DCDC1: variants seen among roughly 807,000 people sequenced by gnomAD.
DCDC1 encodes the protein doublecortin domain containing 1.
A neutral mutation model predicts 178.3 loss-of-function variants in DCDC1; 200 were observed. The ratio of observed to expected loss-of-function variants is 1.12; its 90% CI spans 1.00 to 1.26. The LOEUF (loss-of-function observed/expected upper bound fraction) is 1.26, where lower values mean the gene tolerates loss of function less well. DCDC1 is among the 50% of genes most tolerant of loss of function. DCDC1 has a pLI of 0.00. For missense variants in DCDC1, 1,983 were observed against 1,749.2 expected, an observed-to-expected ratio of 1.13 and a Z score of -2.38; for synonymous variants, 690 against 604.8, an observed-to-expected ratio of 1.14 and a Z score of -2.07.
intron 9 of DCDC1, among the ~76,000 whole-genome samples, chr11:31,140,906 G>C (rs920082330): frequency 3.3e-5 from 5 of 152,076 alleles, no homozygotes; most frequent in African/African-American, 7.2e-5. Context: ...AAGCCCTAAG[G>C]GTTCATAGTT....
At chr11:31,130,519 T>C (rs992027576) in intron 10 of DCDC1, among the ~76,000 whole-genome samples, 5 of 152,120 alleles carry the variant, frequency 3.3e-5, no homozygotes, top group African/African-American at 7.2e-5. Flanking sequence ...GAGAAAGACA[T>C]ACTGGTGAGA....
At chr11:30,991,712 G>C (rs1412861763) in intron 20 of DCDC1, among the ~76,000 whole-genome samples, 3 of 152,056 alleles carry the variant, frequency 2.0e-5, no homozygotes, top group Non-Finnish European at 4.4e-5. Context: ...GAATTATTCA[G>C]TAGGCATAAC....
At chr11:31,004,536 A>G (rs1224180769) in intron 20 of DCDC1, among the ~76,000 whole-genome samples, 1 of 142,762 alleles carries the variant, frequency 7.0e-6, no homozygotes, top group Non-Finnish European at 1.5e-5. Context: ...AAAAAAAATT[A>G]GCTGGGCGTG....
intron 3 of DCDC1, among the ~76,000 whole-genome samples, chr11:31,313,554 T>G (rs533092158): frequency 6.6e-6 from 1 of 152,040 alleles, no homozygotes; most frequent in East Asian, 1.9e-4. Context: ...ACATTTTACA[T>G]TATAATTTAT....
intron 8 of DCDC1, among the ~76,000 whole-genome samples, chr11:31,245,605 T>G (rs1943502721): frequency 6.6e-6 from 1 of 151,754 alleles, no homozygotes; most frequent in Non-Finnish European, 1.5e-5. Flanking sequence ...CCATAAGATT[T>G]GGGAAGGAAG....
intron 38 of DCDC1, among the ~76,000 whole-genome samples, chr11:30,874,529 G>A (rs1941939677): frequency 2.0e-5 from 3 of 152,210 alleles, no homozygotes; most frequent in Admixed American, 6.5e-5. Flanking sequence ...GGAGGGAAGA[G>A]GGAGAAAAAG....
chr11:31,365,602 T>C (rs911225813), intron 1 of DCDC1, among the ~76,000 whole-genome samples: 1 of 152,090 alleles, frequency 6.6e-6, no homozygotes, highest in African/African-American at 2.4e-5. Flanking sequence ...AATTAAGAAT[T>C]TGTGAATGTC....
chr11:31,339,500 G>T (rs971952179), intron 1 of DCDC1, among the ~76,000 whole-genome samples: 1 of 152,104 alleles, frequency 6.6e-6, no homozygotes, highest in African/African-American at 2.4e-5. Flanking sequence ...TGTATACATT[G>T]ATCAGTTTCC....
At chr11:30,964,764 T>C (rs1269163322) in intron 20 of DCDC1, among the ~76,000 whole-genome samples, 1 of 152,180 alleles carries the variant, frequency 6.6e-6, no homozygotes, top group South Asian at 2.1e-4. Context: ...TTTCTTCCAA[T>C]GTTAACCACA....
chr11:31,100,558 C>A (rs1364861479), intron 15 of DCDC1, among the ~76,000 whole-genome samples: 1 of 152,104 alleles, frequency 6.6e-6, no homozygotes, highest in Non-Finnish European at 1.5e-5. Flanking sequence ...CCTTAAGAAG[C>A]AAGTAATGGT....
At chr11:31,114,664 T>C (rs2135831455) in intron 11 of DCDC1, among the ~76,000 whole-genome samples, 1 of 152,194 alleles carries the variant, frequency 6.6e-6, no homozygotes, top group South Asian at 2.1e-4. Context: ...CCAGGAACTG[T>C]AAGGAAGCTA....
At chr11:31,239,734 A>G (rs71487991) in intron 9 of DCDC1, among the ~76,000 whole-genome samples, 24 of 151,946 alleles carry the variant, frequency 1.6e-4, no homozygotes, top group Non-Finnish European at 2.5e-4. Context: ...CAAACAGACA[A>G]TCACAGAGAC....
chr11:31,068,843 T>C (rs1964699), intron 18 of DCDC1, among the ~76,000 whole-genome samples: 41,263 of 151,788 alleles, frequency 0.27, 7,089 homozygotes, highest in Non-Finnish European at 0.37. Flanking sequence ...AGACTTTACT[T>C]CTCATTAATG....
At chr11:30,869,582 C>T (rs1340076808) in intron 38 of DCDC1, among the ~76,000 whole-genome samples, 2 of 152,044 alleles carry the variant, frequency 1.3e-5, no homozygotes, top group Non-Finnish European at 2.9e-5. Context: ...AGTGGTAAGT[C>T]CTACAAGGGT....
intron 9 of DCDC1, among the ~76,000 whole-genome samples, chr11:31,201,399 A>ATATAGCTTGAATATTCT (rs1221731048): frequency 3.0e-4 from 46 of 152,116 alleles, no homozygotes; most frequent in African/African-American, 1.1e-3. Context: ...TCATACTAAA[A>ATATAGCTTGAATATTCT]TATAGCTTGA....
chr11:31,294,868 A>G (rs866543897), intron 6 of DCDC1, among the ~76,000 whole-genome samples: 5 of 148,832 alleles, frequency 3.4e-5, no homozygotes, highest in African/African-American at 4.9e-5. Flanking sequence ...GAAAGAAAGA[A>G]AAAGAAAACA....
chr11:31,189,772 G>C (rs1969927407), intron 9 of DCDC1, among the ~76,000 whole-genome samples: 3 of 151,994 alleles, frequency 2.0e-5, no homozygotes, highest in Admixed American at 2.0e-4. Flanking sequence ...CTCTTATAAG[G>C]ACTCTTGTGA....
chr11:31,059,874 T>C lies in DCDC1; in HGVS notation c.2591+4595A>G, dbSNP rs374351727. Among the ~76,000 whole-genome samples the C allele has an allele frequency of 1.9e-4, 29 of 152,196 alleles. No homozygotes were observed. In the East Asian group the frequency reaches 5.0e-3, roughly 26 times the overall value. Reference sequence around the variant, plus strand: ...TCAAGAAAATCAGAATGTAATTCAATTTTTAATATGTGGGTTTTTACAATT... The same window carrying C: ...TCAAGAAAATCAGAATGTAATTCAACTTTTAATATGTGGGTTTTTACAATT... On this transcript the variant is annotated intron_variant, in intron 20 of 38. Coordinates refer to ENST00000684477, the MANE Select transcript of DCDC1 (RefSeq NM_001387274.1).
chr11:31,365,974 T>C (rs988239280), intron 1 of DCDC1, among the ~76,000 whole-genome samples: 4 of 150,008 alleles, frequency 2.7e-5, no homozygotes, highest in Admixed American at 1.3e-4. Context: ...CATTCTAATA[T>C]ATCAAATGTG....
Sources: gnomAD v4.1 joint callset for allele counts (sites outside exome capture counted in the v4.1 genomes callset) on GRCh38, gnomAD v4.1.1 for gene constraint, MANE v1.5 for transcripts, NCBI Gene and HGNC (gene_info 2026-07-23, HGNC 2026-07-21) for gene names.